Variants in NOX4 observed in about 807,000 individuals in gnomAD.
The protein encoded by NOX4 is kidney oxidase-1.
In NOX4, 69 loss-of-function variants were observed where a neutral mutation model predicts 87.6. That is an observed-to-expected ratio of 0.79 (90% CI 0.65 to 0.96). The LOEUF (loss-of-function observed/expected upper bound fraction) is 0.96. Among genes scored for constraint, NOX4 ranks in the 40% least tolerant of loss-of-function variants. The probability of loss-of-function intolerance (pLI) is 0.00; values close to 1 mark genes in which losing one functional copy is unlikely to be tolerated. For synonymous variants in NOX4, 275 were observed against 238.2 expected (o/e 1.15, Z -1.42); for missense variants, 680 against 681.5 (o/e 1.00, Z 0.02).
the NOX4 span, chr11:89,548,557 T>G: frequency 6.6e-6 from 1 of 152,306 alleles, no homozygotes; most frequent in African/African-American, 2.4e-5. Context: ...GATCAGAAAC[T>G]TGGAGAATGA....
chr11:89,389,243 G>C (rs178434), intron 11 of NOX4, among the ~76,000 whole-genome samples: 1,642 of 152,232 alleles, frequency 0.011, 33 homozygotes, highest in African/African-American at 0.038. Flanking sequence ...TCAATGACAT[G>C]TATGAAAAAT....
chr11:89,502,110 TGGGCCC>T (rs1947028413), upstream of NOX4, among the ~76,000 whole-genome samples: 2 of 152,022 alleles, frequency 1.3e-5, no homozygotes, highest in African/African-American at 4.8e-5. Context: ...AGATTTTATG[TGGGCCC>T]CCTTGAAGAG....
At chr11:89,524,528 A>C in the NOX4 span, among the ~76,000 whole-genome samples, 18 of 152,106 alleles carry the variant, frequency 1.2e-4, no homozygotes, top group African/African-American at 3.9e-4. Context: ...CCATTGATTC[A>C]TACTCCTATG....
intron 2 of NOX4, among the ~76,000 whole-genome samples, chr11:89,486,464 ATG>A (rs4002196): frequency 0.18 from 24,804 of 141,206 alleles, 2,303 homozygotes; most frequent in African/African-American, 0.25. Flanking sequence ...CAGCTAATAT[ATG>A]TGTGTGTGTG....
intron 2 of NOX4, among the ~76,000 whole-genome samples, chr11:89,482,180 T>C (rs1342798251): frequency 6.6e-6 from 1 of 151,970 alleles, no homozygotes; most frequent in African/African-American, 2.4e-5. Flanking sequence ...AACATTACAA[T>C]ACCTTCCTAA....
At chr11:89,352,981 G>A (rs1384255142) in intron 13 of NOX4, among the ~76,000 whole-genome samples, 1 of 152,086 alleles carries the variant, frequency 6.6e-6, no homozygotes, top group Non-Finnish European at 1.5e-5. Flanking sequence ...CACCACAGCT[G>A]GCTAATTTTT....
intron 8 of NOX4, among the ~76,000 whole-genome samples, chr11:89,412,275 A>G (rs1265479721): frequency 1.3e-5 from 2 of 152,190 alleles, no homozygotes; most frequent in Non-Finnish European, 2.9e-5. Context: ...ACAGAAAATC[A>G]AGAAATAAAC....
At chr11:89,401,999 TAAC>T (rs1228934305) in intron 9 of NOX4, among the ~76,000 whole-genome samples, 1 of 152,022 alleles carries the variant, frequency 6.6e-6, no homozygotes, top group African/African-American at 2.4e-5. Context: ...TAGGTTTTTT[TAAC>T]TACTATTTTT....
intron 2 of NOX4, among the ~76,000 whole-genome samples, chr11:89,453,166 G>A (rs1043980777): frequency 1.3e-5 from 2 of 152,046 alleles, no homozygotes; most frequent in African/African-American, 2.4e-5. Context: ...CTATTACTAG[G>A]CCTATTTCTT....
intron 6 of NOX4, among the ~76,000 whole-genome samples, chr11:89,438,879 T>G (rs1481998159): frequency 5.5e-5 from 3 of 54,814 alleles, no homozygotes; most frequent in Non-Finnish European, 8.4e-5. Flanking sequence ...ATATATAATA[T>G]ATAATATATT....
chr11:89,428,773 A>T lies in NOX4; in HGVS notation c.548+4011T>A, dbSNP rs317135. ...AACCACACAATAATAATGGGAGACT[A>T]TAACACCCCACTGTCAACATTAGAC... On this transcript the variant is annotated intron_variant, in intron 7 of 17. Transcript: ENST00000263317. 1.5e-3 allele frequency among the ~76,000 whole-genome samples: 230 copies of T among 151,646 alleles called. 2 individuals carry two copies. The highest frequency in any genetic ancestry group is 5.3e-3 in the African/African-American group (219 of 41,386).
In NOX4 at chr11:89,468,919, T is replaced by C. The variant is rs570497432; in HGVS notation, c.154-17024A>G. Among the ~76,000 whole-genome samples, 4 of 152,134 alleles carry C rather than the reference T, an allele frequency of 2.6e-5. No homozygotes were observed. In the South Asian group the frequency reaches 8.3e-4, roughly 32 times the overall value. On this transcript the variant is annotated intron_variant, in intron 2 of 17. Transcript: ENST00000263317. ...GCTACCACACCTGTCTAATTACTTTTATTTTTGTCTATTTTGCCTAGGCTG... is the reference window on the plus strand; with the variant it reads ...GCTACCACACCTGTCTAATTACTTTCATTTTTGTCTATTTTGCCTAGGCTG...
the NOX4 span, among the ~76,000 whole-genome samples, chr11:89,511,875 C>T: frequency 6.6e-6 from 1 of 152,046 alleles, no homozygotes; most frequent in African/African-American, 2.4e-5. Flanking sequence ...AAAAGGCCTA[C>T]GTCTTTTAAG....
At chr11:89,496,191 T>A (rs1046481141), upstream of NOX4, among the ~76,000 whole-genome samples, 1 of 152,180 alleles carries the variant, frequency 6.6e-6, no homozygotes, top group African/African-American at 2.4e-5. Flanking sequence ...GACCATCATC[T>A]GATTCAGTCA....
the NOX4 span, among the ~76,000 whole-genome samples, chr11:89,550,709 G>T: frequency 6.6e-6 from 1 of 152,104 alleles, no homozygotes; most frequent in Admixed American, 6.5e-5. Context: ...GTCAGATGGA[G>T]AGATTGCAAA....
Position 89,381,985 on chromosome 11 carries a change from C to T in NOX4, c.1075-8493G>A, listed in dbSNP as rs141245355. Among the ~76,000 whole-genome samples, 1,217 of 152,260 alleles carry T rather than the reference C, an allele frequency of 8.0e-3. 15 individuals are homozygous for T. Among genetic ancestry groups the T allele is most frequent in the African/African-American group, 0.027 (1,132 of 41,554 alleles). The stretch of plus-strand genomic sequence containing the variant: ...CATTTTATCCGTGAACCCAAAACTC[C>T]GGCACCAGTCACGGACTCGGCAAGA... On this transcript the variant is annotated intron_variant, in intron 11 of 17. Coordinates refer to ENST00000263317, the MANE Select transcript of NOX4 (RefSeq NM_016931.5).
the NOX4 span, among the ~76,000 whole-genome samples, chr11:89,570,218 T>A: frequency 6.6e-6 from 1 of 152,160 alleles, no homozygotes; most frequent in Non-Finnish European, 1.5e-5. Context: ...ACATGTGGAA[T>A]TGGAGGCCAT....
chr11:89,551,118 C>T, the NOX4 span, among the ~76,000 whole-genome samples: 2 of 152,086 alleles, frequency 1.3e-5, no homozygotes, highest in Non-Finnish European at 2.9e-5. Flanking sequence ...ATTTCTGAGG[C>T]CTCCTTTCTG....
chr11:89,358,309 C>T (rs1393955125), intron 12 of NOX4, among the ~76,000 whole-genome samples: 1 of 149,270 alleles, frequency 6.7e-6, no homozygotes, highest in Non-Finnish European at 1.5e-5. Context: ...TCACTTGAAC[C>T]CAGGAGGCAG....
Sources: gnomAD v4.1 joint callset for allele counts (sites outside exome capture counted in the v4.1 genomes callset) on GRCh38, gnomAD v4.1.1 for gene constraint, MANE v1.5 for transcripts, NCBI Gene and HGNC (gene_info 2026-07-23, HGNC 2026-07-21) for gene names.